Variants in TTC7A observed in about 807,000 individuals in gnomAD.
TTC7A encodes the protein tetratricopeptide repeat protein 7A.
Under a neutral mutation model 103.7 loss-of-function variants are expected in TTC7A, and 110 were observed. That is an observed-to-expected ratio of 1.06 (90% CI 0.91 to 1.24). TTC7A has a LOEUF of 1.24. TTC7A is among the 50% of genes most tolerant of loss of function. The probability of loss-of-function intolerance (pLI) is 0.00; values close to 1 mark genes in which losing one functional copy is unlikely to be tolerated. For missense variants in TTC7A, 1,340 were observed against 1,116.3 expected (o/e 1.20, Z -2.86); for synonymous variants, 521 against 467.9 (o/e 1.11, Z -1.47).
intron 2 of TTC7A, among the ~76,000 whole-genome samples, chr2:46,921,342 G>A (rs1225967334): frequency 6.6e-6 from 1 of 152,138 alleles, no homozygotes; most frequent in African/African-American, 2.4e-5. Flanking sequence ...ACAATTAATG[G>A]TATGTCTATA....
intron 2 of TTC7A, chr2:46,951,494 A>G: frequency 2.3e-6 from 1 of 444,306 alleles, no homozygotes; most frequent in East Asian, 7.0e-5. Flanking sequence ...GGGGTAAAAA[A>G]AAACTCAAAG....
intron 18 of TTC7A, among the ~76,000 whole-genome samples, chr2:47,055,310 T>C (rs1250610775): frequency 6.6e-6 from 1 of 152,188 alleles, no homozygotes; most frequent in Non-Finnish European, 1.5e-5. Context: ...ATTCACTCTT[T>C]GGTTGAATTC....
intron 8 of TTC7A, among the ~76,000 whole-genome samples, chr2:47,004,039 C>T (rs538440354): frequency 6.6e-6 from 1 of 152,334 alleles, no homozygotes; most frequent in Non-Finnish European, 1.5e-5. Context: ...GATTTCTTGG[C>T]ACCTTCTTTC....
intron 2 of TTC7A, among the ~76,000 whole-genome samples, chr2:46,935,758 A>G (rs1238982062): frequency 6.6e-6 from 1 of 152,092 alleles, no homozygotes; most frequent in African/African-American, 2.4e-5. Context: ...ACAATGAGAG[A>G]TGCAAGTCTT....
intron 11 of TTC7A, among the ~76,000 whole-genome samples, chr2:47,015,278 C>A (rs901035281): frequency 5.3e-5 from 8 of 152,298 alleles, no homozygotes; most frequent in African/African-American, 1.9e-4. Flanking sequence ...ATTTAAAATT[C>A]ATTTAACTTA....
At chr2:46,992,710 G>A (rs1403834573) in intron 5 of TTC7A, among the ~76,000 whole-genome samples, 1 of 152,236 alleles carries the variant, frequency 6.6e-6, no homozygotes, top group African/African-American at 2.4e-5. Flanking sequence ...GTGGGCCACA[G>A]CCTGTTAGTG....
chr2:47,054,671 A>G (rs545402213), intron 18 of TTC7A, among the ~76,000 whole-genome samples: 57 of 152,090 alleles, frequency 3.7e-4, no homozygotes, highest in African/African-American at 1.2e-3. Context: ...CATCTCTACT[A>G]AAAATACAAA....
At chr2:46,993,624 C>A in intron 6 of TTC7A, 96 bp downstream of exon 6, 1 of 1,140,406 alleles carries the variant, frequency 8.8e-7, no homozygotes, top group Non-Finnish European at 1.3e-6. Context: ...GCAGGGGTGG[C>A]AGTAGGTCTC....
At chr2:46,928,726 C>T (rs1342486877) in intron 2 of TTC7A, among the ~76,000 whole-genome samples, 1 of 151,580 alleles carries the variant, frequency 6.6e-6, no homozygotes, top group African/African-American at 2.4e-5. Context: ...GCTGTGATTG[C>T]ACTACTGCAC....
At chr2:46,916,138 T>C (rs1668777354), upstream of TTC7A, 2 of 985,490 alleles carry the variant, frequency 2.0e-6, no homozygotes, top group Non-Finnish European at 2.4e-6. Context: ...CAAAGCTGGC[T>C]CCCAACTCCG....
At chr2:46,918,119 T>A (rs1668910281) in intron 2 of TTC7A, among the ~76,000 whole-genome samples, 1 of 152,206 alleles carries the variant, frequency 6.6e-6, no homozygotes. Context: ...TGTCTCCATA[T>A]GAATGTCAGA....
chr2:46,935,638 A>G (rs1378755268), intron 2 of TTC7A, among the ~76,000 whole-genome samples: 1 of 152,208 alleles, frequency 6.6e-6, no homozygotes, highest in Non-Finnish European at 1.5e-5. Context: ...TGAGGCCCGC[A>G]GTGATCCAAC....
intron 11 of TTC7A, among the ~76,000 whole-genome samples, chr2:47,018,911 G>A (rs1678989455): frequency 6.6e-6 from 1 of 152,116 alleles, no homozygotes; most frequent in South Asian, 2.1e-4. Flanking sequence ...AGGGTGTTTG[G>A]CCCCAGAGCT....
At chr2:47,040,021 G>A (rs1180897132) in intron 15 of TTC7A, among the ~76,000 whole-genome samples, 2 of 152,236 alleles carry the variant, frequency 1.3e-5, no homozygotes, top group South Asian at 2.1e-4. Flanking sequence ...CCTGGGTGCT[G>A]CATCATGCTT....
At chr2:47,054,194 A>G (rs1683129959) in intron 18 of TTC7A, 4 of 984,618 alleles carry the variant, frequency 4.1e-6, no homozygotes, top group South Asian at 9.4e-5. Context: ...GTTTGGGTGC[A>G]TGTAGCAGAT....
At chr2:46,951,573 G>T (rs1449962532) in intron 2 of TTC7A, 7 of 447,444 alleles carry the variant, frequency 1.6e-5, no homozygotes, top group Non-Finnish European at 3.1e-5. Flanking sequence ...CTTTCTTTCT[G>T]TCTTTCTGTC....
At chr2:46,929,366 A>G (rs890620913) in intron 2 of TTC7A, among the ~76,000 whole-genome samples, 9 of 152,196 alleles carry the variant, frequency 5.9e-5, no homozygotes, top group African/African-American at 2.2e-4. Context: ...ACACACCTGT[A>G]GTTCTAGCTA....
At chr2:47,053,489 T>C (rs1683043468) in intron 18 of TTC7A, among the ~76,000 whole-genome samples, 1 of 152,156 alleles carries the variant, frequency 6.6e-6, no homozygotes, top group East Asian at 1.9e-4. Flanking sequence ...TTTGTTTGAA[T>C]GATTTGCCTT....
chr2:47,072,375 C>T lies in TTC7A; in HGVS notation c.2356-1327C>T, dbSNP rs940754374. On this transcript the variant is annotated intron_variant, in intron 19 of 19. Coordinates refer to ENST00000319190, the MANE Select transcript of TTC7A (RefSeq NM_020458.4). The stretch of plus-strand genomic sequence containing the variant: ...CCCCGCCCCCTGGCCGCAAGATCTC[C>T]AGCCAGCGCCTCTGGAGAGGGAGAG... 2.6e-5 allele frequency among the ~76,000 whole-genome samples: 4 copies of T among 152,280 alleles called. No individual in the cohort carries two copies. The South Asian group carries it at 6.2e-4, about 24-fold the overall frequency.
Sources: allele counts gnomAD v4.1 joint callset (sites outside exome capture counted in the v4.1 genomes callset), GRCh38; gene constraint gnomAD v4.1.1; transcripts MANE v1.5; gene names NCBI Gene and HGNC (gene_info 2026-07-23, HGNC 2026-07-21).